Variants in DPYD observed in about 807,000 individuals in gnomAD.
The protein encoded by DPYD is dihydropyrimidine dehydrogenase [NADP(+)].
In DPYD, 109 loss-of-function variants were observed where a neutral mutation model predicts 116.2. The observed-to-expected ratio is 0.94, with a 90% CI of 0.80 to 1.10. The LOEUF is 1.10. Among genes scored for constraint, DPYD ranks in the 50% least tolerant of loss-of-function variants. DPYD has a pLI of 0.00. For missense variants in DPYD, 1,302 were observed against 1,254.5 expected, an observed-to-expected ratio of 1.04 and a Z score of -0.57; for synonymous variants, 440 against 432.0, an observed-to-expected ratio of 1.02 and a Z score of -0.23.
At chr1:97,266,464 C>T (rs959251880) in intron 18 of DPYD, among the ~76,000 whole-genome samples, 1 of 152,130 alleles carries the variant, frequency 6.6e-6, no homozygotes, top group Non-Finnish European at 1.5e-5. Context: ...GTGTCTTAAT[C>T]TGCTGTATGC....
chr1:97,399,780 A>G (rs1380520494), intron 14 of DPYD, among the ~76,000 whole-genome samples: 2 of 152,010 alleles, frequency 1.3e-5, no homozygotes, highest in African/African-American at 4.8e-5. Flanking sequence ...AATGCTTGTG[A>G]TTTTTGTACA....
intron 3 of DPYD, among the ~76,000 whole-genome samples, chr1:97,775,857 A>T (rs1343855703): frequency 6.6e-6 from 1 of 152,194 alleles, no homozygotes; most frequent in African/African-American, 2.4e-5. Context: ...CCTGAATATT[A>T]CTGAGTTTGT....
intron 18 of DPYD, among the ~76,000 whole-genome samples, chr1:97,249,689 C>T (rs1662955876): frequency 6.6e-6 from 1 of 152,014 alleles, no homozygotes; most frequent in Admixed American, 6.6e-5. Flanking sequence ...TATTCACACA[C>T]ATATATTTTA....
intron 3 of DPYD, among the ~76,000 whole-genome samples, chr1:97,775,192 T>A (rs1040616387): frequency 6.6e-6 from 1 of 152,242 alleles, no homozygotes; most frequent in African/African-American, 2.4e-5. Flanking sequence ...ATAGGTTAGA[T>A]AAATGGTATA....
Position 97,283,730 on chromosome 1 carries a change from G to A in DPYD, c.2299+21529C>T, listed in dbSNP as rs80204846. Among the ~76,000 whole-genome samples the A allele has an allele frequency of 6.8e-3, 1,037 of 152,110 alleles. 11 individuals are homozygous for A. The highest frequency in any genetic ancestry group is 0.024 in the African/African-American group (1,007 of 41,536). On this transcript the variant is annotated intron_variant, in intron 18 of 22. Transcript: ENST00000370192. ...TTCTCTATGCTGAAGTAGTTATGTTGTTTCTTTCAGTCCCATATATTATTT... is the reference window on the plus strand; with the variant it reads ...TTCTCTATGCTGAAGTAGTTATGTTATTTCTTTCAGTCCCATATATTATTT...
At chr1:97,307,752 T>C (rs1667257519) in intron 16 of DPYD, among the ~76,000 whole-genome samples, 2 of 151,910 alleles carry the variant, frequency 1.3e-5, no homozygotes, top group Admixed American at 6.6e-5. Flanking sequence ...TTCTAACTCA[T>C]GAAAATGGAG....
chr1:97,832,995 G>GAAAAAA (rs1161903108), intron 2 of DPYD, among the ~76,000 whole-genome samples: 15 of 58,974 alleles, frequency 2.5e-4, no homozygotes, highest in African/African-American at 3.7e-4. Context: ...AAGAGGCAAA[G>GAAAAAA]AAAAAAAAAA....
At chr1:97,301,280 A>G (rs949203686) in intron 18 of DPYD, among the ~76,000 whole-genome samples, 12 of 152,218 alleles carry the variant, frequency 7.9e-5, no homozygotes, top group Admixed American at 7.9e-4. Flanking sequence ...ACTGAAAAAA[A>G]TGTGTTCTAT....
intron 5 of DPYD, chr1:97,720,230 T>C: frequency 1.0e-6 from 1 of 984,720 alleles, no homozygotes. Context: ...ACTAATGATA[T>C]CATTTTAATT....
intron 4 of DPYD, among the ~76,000 whole-genome samples, chr1:97,724,282 T>C (rs1663083770): frequency 6.3e-5 from 2 of 31,582 alleles, no homozygotes; most frequent in Admixed American, 8.9e-4. Flanking sequence ...ACAGAAAGAA[T>C]AGGATGTATG....
chr1:97,244,151 C>G (rs1662559498), intron 18 of DPYD, among the ~76,000 whole-genome samples: 1 of 151,916 alleles, frequency 6.6e-6, no homozygotes, highest in African/African-American at 2.4e-5. Context: ...TAGGTGGCCA[C>G]CACAAGCTAC....
intron 2 of DPYD, among the ~76,000 whole-genome samples, chr1:97,828,573 A>C (rs1669366388): frequency 6.6e-6 from 1 of 152,128 alleles, no homozygotes. Context: ...TCAAAAGAGA[A>C]AACCATTAAG....
intron 18 of DPYD, among the ~76,000 whole-genome samples, chr1:97,246,087 C>G (rs1166752415): frequency 6.6e-6 from 1 of 152,026 alleles, no homozygotes; most frequent in African/African-American, 2.4e-5. Context: ...TTATCTGAAC[C>G]CTCTGAATCA....
At chr1:97,778,154 T>TC (rs1666522450) in intron 3 of DPYD, among the ~76,000 whole-genome samples, 4 of 1,990 alleles carry the variant, frequency 2.0e-3, no homozygotes, top group South Asian at 0.034. Flanking sequence ...TAAGACCCTG[T>TC]CAAAAAAAAA....
intron 19 of DPYD, among the ~76,000 whole-genome samples, chr1:97,212,333 T>C (rs926143368): frequency 5.3e-5 from 8 of 152,166 alleles, no homozygotes; most frequent in African/African-American, 2.4e-5. Flanking sequence ...TAGTATTTTG[T>C]GTCTTTTTAT....
chr1:97,146,712 AG>A (rs773578068), intron 20 of DPYD, among the ~76,000 whole-genome samples: 3 of 152,188 alleles, frequency 2.0e-5, no homozygotes, highest in Non-Finnish European at 2.9e-5. Flanking sequence ...GACATATAAA[AG>A]TATGGTCCAT....
chr1:97,849,130 C>T (rs1174849984), intron 2 of DPYD, among the ~76,000 whole-genome samples: 1 of 152,046 alleles, frequency 6.6e-6, no homozygotes, highest in African/African-American at 2.4e-5. Context: ...ACTGAAGTCA[C>T]TTAAATAATG....
intron 13 of DPYD, among the ~76,000 whole-genome samples, chr1:97,494,353 T>C (rs980735372): frequency 1.1e-4 from 17 of 152,248 alleles, no homozygotes; most frequent in South Asian, 4.1e-4. Context: ...TGTGCCACCA[T>C]GCTCAGCTTA....
At chr1:97,583,592 C>A (rs1160518500) in intron 10 of DPYD, among the ~76,000 whole-genome samples, 1 of 150,628 alleles carries the variant, frequency 6.6e-6, no homozygotes, top group African/African-American at 2.4e-5. Flanking sequence ...CTAATACTCT[C>A]GGATTCTAGT....
Sources: gnomAD v4.1 joint callset for allele counts (sites outside exome capture counted in the v4.1 genomes callset) on GRCh38, gnomAD v4.1.1 for gene constraint, MANE v1.5 for transcripts, NCBI Gene and HGNC (gene_info 2026-07-23, HGNC 2026-07-21) for gene names.